The following SLFNL1 variants were observed in gnomAD, a reference collection of about 807,000 sequenced individuals.
SLFNL1 encodes schlafen like 1, also known as schlafen-like protein 1.
In SLFNL1, 26 loss-of-function variants were observed where a neutral mutation model predicts 32.5. The ratio of observed to expected loss-of-function variants is 0.80; its 90% CI spans 0.59 to 1.11. SLFNL1 has a LOEUF of 1.11. Among genes scored for constraint, SLFNL1 ranks in the 50% least tolerant of loss-of-function variants. SLFNL1 has a pLI of 0.00. For missense variants in SLFNL1, 553 were observed against 546.5 expected (o/e 1.01, Z -0.12); for synonymous variants, 255 against 242.2 (o/e 1.05, Z -0.49).
At chr1:41,016,951 G>C (rs1055714626) in intron 5 of SLFNL1, 2 of 292,148 alleles carry the variant, frequency 6.8e-6, no homozygotes, top group Non-Finnish European at 1.3e-5. Flanking sequence ...CTTGTGATCT[G>C]TTCGCCTCAT....
Position 41,016,139 on chromosome 1 carries a change from G to A in SLFNL1, c.1191C>T (p.His397=), listed in dbSNP as rs200527951. ...KEQLQQQLQQ[H]GPVSCTCCVL ...CACAGCAGGTGCAGGACACAGGCCC[G>A]TGCTGCTGCAGCTGCTGCTGGAGCT... The change falls in exon 6 of 6, where the codon CAC becomes CAT. Residue 397 remains histidine, a synonymous_variant. Transcript: ENST00000302946. 39 of 1,614,144 alleles carry A rather than the reference G, an allele frequency of 2.4e-5. No homozygotes were observed. Among genetic ancestry groups the A allele is most frequent in the Admixed American group, 5.0e-5 (3 of 60,022 alleles).
Position 41,017,246 on chromosome 1 carries a change from C to T in SLFNL1, c.1089G>A (p.Glu363=), listed in dbSNP as rs1277059498. ...TCAGCTTCCGTACCTGCCTGCACCA[C>T]TCCTGGATGGCGCTGGCAGACAGCG... ...QGPLSASAIQ[E]WCRQRWLVEL... is the part of the protein sequence containing the mutation. Residue 363 remains glutamate (E), a synonymous_variant, in exon 5 of 6, where the codon GAG becomes GAA. Coordinates refer to ENST00000302946, the MANE Select transcript of SLFNL1 (RefSeq NM_144990.4). The surrounding 1 kb of genome is among the most constrained non-coding windows in gnomAD (Gnocchi z 4.9). 6.3e-7 allele frequency: 1 copy of T among 1,583,592 alleles called. No homozygotes were observed. Among genetic ancestry groups the T allele is most frequent in the South Asian group, 1.1e-5 (1 of 87,616 alleles).
chr1:41,015,788 C>T lies in SLFNL1; in HGVS notation c.*318G>A, dbSNP rs139501600. On this transcript the variant is annotated 3_prime_UTR_variant, in exon 6 of 6. Transcript: ENST00000302946. The stretch of plus-strand genomic sequence containing the variant: ...AGCCAACTGGAGTCACAGACCTCAG[C>T]CTGGGCCAAATGAGCATTTTAGGGA... 1.5e-4 allele frequency: 30 copies of T among 203,506 alleles called. 1 individual carries two copies. In the East Asian group the frequency reaches 2.8e-3, roughly 19 times the overall value. The allele number at this position is 203,506 out of a possible 1,614,324, so 12.6% of individuals were successfully genotyped here.
intron 3 of SLFNL1, among the ~76,000 whole-genome samples, chr1:41,019,030 C>T (rs1379847035): frequency 3.3e-5 from 5 of 151,508 alleles, no homozygotes; most frequent in African/African-American, 7.3e-5. Flanking sequence ...TTAGTAGAGA[C>T]GGGGTTTCAC....
At position 41,017,108 on chromosome 1, in the gene SLFNL1, T is replaced by C; in HGVS notation, c.1101+126A>G. The C allele has an allele frequency of 8.3e-7, 1 of 1,211,866 alleles. No homozygotes were observed. The highest frequency in any genetic ancestry group is 1.1e-6 in the Non-Finnish European group (1 of 896,722). The allele number at this position is 1,211,866 out of a possible 1,614,324, so 75.1% of individuals were successfully genotyped here. On this transcript the variant is annotated intron_variant, in intron 5 of 5. Coordinates refer to ENST00000302946, the MANE Select transcript of SLFNL1 (RefSeq NM_144990.4). This position sits in a 1 kb window ranked among gnomAD's most constrained non-coding sequence, Gnocchi z 4.9. ...GTGGTGTGATTGTATTCCAACCCCT[T>C]GGGTTCAACGGGGTGATGCAGGACC...
chr1:41,018,023 C>A lies in SLFNL1; in HGVS notation c.569G>T (p.Gly190Val), dbSNP rs367665847. The A allele has an allele frequency of 1.2e-6, 2 of 1,600,212 alleles. No individual in the cohort carries two copies. The highest frequency in any genetic ancestry group is 2.2e-5 in the South Asian group (2 of 89,534). ...PQAQQLQSCQ[G>V]RPSGVCSDSA... ...GTCGGAGCACACGCCGCTGGGCCGG[C>A]CCTGGCAGCTCTGCAGCTGCTGGGC... is the stretch of plus-strand genomic sequence containing the variant. The change falls in exon 4 of 6, where the codon GGC becomes GTC. Residue 190 changes from glycine (G) to valine (V), a missense_variant. By Grantham distance (109) the Gly-to-Val change is moderately radical. Coordinates refer to ENST00000302946, the MANE Select transcript of SLFNL1 (RefSeq NM_144990.4).
chr1:41,016,162 G>A lies in SLFNL1; in HGVS notation c.1168C>T (p.Leu390Phe), dbSNP rs140785040. 6.2e-7 allele frequency: 1 copy of A among 1,614,196 alleles called. No individual in the cohort carries two copies. The highest frequency in any genetic ancestry group is 1.1e-5 in the South Asian group (1 of 91,090). Residue 390 changes from leucine to phenylalanine, a missense_variant, in exon 6 of 6, where the codon CTC becomes TTC. Coordinates refer to ENST00000302946, the MANE Select transcript of SLFNL1 (RefSeq NM_144990.4). ...MKALMMEKEQ[L>F]QQQLQQHGPV... is the part of the protein sequence containing the mutation. ...CCGTGCTGCTGCAGCTGCTGCTGGA[G>A]CTGCTCCTTCTCCATCATCAGCGCC...
Position 41,020,342 on chromosome 1 carries a change from A to AGGCC in SLFNL1, c.315_318dup (p.Ser107GlyfsTer31). 1 of 1,613,540 alleles carries AGGCC rather than the reference A, an allele frequency of 6.2e-7. No homozygotes were observed. The highest frequency in any genetic ancestry group is 1.1e-5 in the South Asian group (1 of 91,076). On this transcript the variant is annotated frameshift_variant, in exon 3 of 6. Transcript: ENST00000302946. LOFTEE classifies it high-confidence loss of function. Reference sequence around the variant, plus strand: ...GCCGTCTGCAGGCGCCAGGGGAGGGAGGCCAGGGTGTCCCTGTGGACAGTC... The same window carrying AGGCC: ...GCCGTCTGCAGGCGCCAGGGGAGGGAGGCCGGCCAGGGTGTCCCTGTGGACAGTC...
chr1:41,021,341 G>A (rs1643820089), intron 1 of SLFNL1: 1 of 152,662 alleles, frequency 6.6e-6, no homozygotes, highest in African/African-American at 2.4e-5. Flanking sequence ...CATAACTTAA[G>A]GTGGCTCCTA....
chr1:41,020,458 C>A lies in SLFNL1; in HGVS notation c.203G>T (p.Arg68Leu), dbSNP rs761643113. 20 of 1,613,314 alleles carry A rather than the reference C, an allele frequency of 1.2e-5. No individual in the cohort carries two copies. Among genetic ancestry groups the A allele is most frequent in the Admixed American group, 6.7e-5 (4 of 60,012 alleles). Residue 68 changes from arginine to leucine, a missense_variant, in exon 3 of 6, where the codon CGA becomes CTA. Transcript: ENST00000302946. The part of the protein sequence containing the change: ...FSVPVLACLL[R>L]DTLERLEMPV... ...CATCTCCAGCCGCTCCAGGGTGTCT[C>A]GCAGCAGGCAGGCAAGCACCGGCAC...
In SLFNL1 at chr1:41,018,052, G is replaced by T; in HGVS notation, c.540C>A (p.Pro180=). ...GGCAGCTCTGCAGCTGCTGGGCCTG[G>T]GGCCTATCAGGCAGCGTGTGTGTAG... The part of the protein sequence containing the change: ...TWPTHTLPDR[P]QAQQLQSCQG... The change falls in exon 4 of 6, where the codon CCC becomes CCA. Residue 180 remains proline, a synonymous_variant. Coordinates refer to ENST00000302946, the MANE Select transcript of SLFNL1 (RefSeq NM_144990.4). 6.3e-7 allele frequency: 1 copy of T among 1,589,288 alleles called. No individual in the cohort carries two copies. Among genetic ancestry groups the T allele is most frequent in the East Asian group, 2.3e-5 (1 of 43,524 alleles).
At position 41,017,950 on chromosome 1, in the gene SLFNL1, C is replaced by T; in HGVS notation, c.642G>A (p.Gln214=). Residue 214 remains glutamine, a synonymous_variant, in exon 4 of 6, where the codon CAG becomes CAA. Coordinates refer to ENST00000302946, the MANE Select transcript of SLFNL1 (RefSeq NM_144990.4). This position sits in a 1 kb window ranked among gnomAD's most constrained non-coding sequence, Gnocchi z 4.9. Reference sequence around the variant, plus strand: ...GGGTCTCGCTGCCCAGGAAGGCACCCTGGAAGAGCTGGTCCTTGCCCACGA... The same window carrying T: ...GGGTCTCGCTGCCCAGGAAGGCACCTTGGAAGAGCTGGTCCTTGCCCACGA... ...QQIVGKDQLF[Q]GAFLGSETRN... 6.2e-7 allele frequency: 1 copy of T among 1,611,824 alleles called. No homozygotes were observed. Among genetic ancestry groups the T allele is most frequent in the African/African-American group, 1.3e-5 (1 of 75,052 alleles).
Position 41,017,831 on chromosome 1 carries a change from T to C in SLFNL1, c.761A>G (p.Glu254Gly), listed in dbSNP as rs1341932693. The change falls in exon 4 of 6, where the codon GAG (glutamate) becomes GGG (glycine). Residue 254 changes from glutamate to glycine, a missense_variant. Transcript: ENST00000302946. The surrounding 1 kb of genome is among the most constrained non-coding windows in gnomAD (Gnocchi z 4.9). ...RRYVCAFLNSEGGSLLVGVED... is the reference protein window; with the variant it reads ...RRYVCAFLNSGGGSLLVGVED... ...TACTCCCACGAGCAGGCTGCCGCCCTCGCTGTTGAGGAAGGCGCACACGTA... is the reference window on the plus strand; with the variant it reads ...TACTCCCACGAGCAGGCTGCCGCCCCCGCTGTTGAGGAAGGCGCACACGTA... The C allele has an allele frequency of 6.3e-7, 1 of 1,598,850 alleles. No homozygotes were observed. Among genetic ancestry groups the C allele is most frequent in the East Asian group, 2.2e-5 (1 of 44,472 alleles).
intron 3 of SLFNL1, 129 bp from the exon 4 acceptor site, chr1:41,018,285 C>T: frequency 3.2e-6 from 3 of 951,370 alleles, no homozygotes; most frequent in Non-Finnish European, 4.4e-6. Context: ...TCCTGATGCC[C>T]CTCACCAGGC....
Position 41,020,228 on chromosome 1 carries a change from C to G in SLFNL1, c.433G>C (p.Glu145Gln). The G allele has an allele frequency of 6.3e-7, 1 of 1,585,822 alleles. No homozygotes were observed. Among genetic ancestry groups the G allele is most frequent in the Non-Finnish European group, 8.6e-7 (1 of 1,165,098 alleles). The change falls in exon 3 of 6, where the codon GAG (glutamate) becomes CAG (glutamine). Residue 145 changes from glutamate (E) to glutamine (Q), a missense_variant and splice_region_variant. Transcript: ENST00000302946. ...SEAQGPFSHR[E>Q]EKEEEEEDSG... ...TGCTTGGGAAAAGTCCCACTTACCT[C>G]TCTGTGGCTGAAGGGCCCTTGGGCC...
intron 3 of SLFNL1, among the ~76,000 whole-genome samples, chr1:41,018,841 T>TG (rs1358410411): frequency 1.4e-5 from 2 of 139,870 alleles, no homozygotes; most frequent in African/African-American, 5.3e-5. Flanking sequence ...TTTTTTTTTT[T>TG]TTTTTTTTTT....
In SLFNL1 at chr1:41,016,014, A is replaced by G. The variant is rs1643291804; in HGVS notation, c.*92T>C. 13 of 1,495,686 alleles carry G rather than the reference A, an allele frequency of 8.7e-6. No individual in the cohort carries two copies. The highest frequency in any genetic ancestry group is 1.2e-5 in the Non-Finnish European group (13 of 1,115,254). The allele number at this position is 1,495,686 out of a possible 1,614,324, so 92.7% of individuals were successfully genotyped here. A position where few individuals can be genotyped will look rare whatever the true frequency, so the allele number is the denominator to read the frequency against. Reference sequence around the variant, plus strand: ...CCCTGTCCGCCTCTCAGCAGCCCGCATGGGCTTTACTGGTTGGCCTTACAC... The same window carrying G: ...CCCTGTCCGCCTCTCAGCAGCCCGCGTGGGCTTTACTGGTTGGCCTTACAC... On this transcript the variant is annotated 3_prime_UTR_variant, in exon 6 of 6. Transcript: ENST00000302946.
chr1:41,020,080 T>C, intron 3 of SLFNL1, 146 bp downstream of exon 3: 1 of 800,662 alleles, frequency 1.2e-6, no homozygotes, highest in Non-Finnish European at 2.0e-6. Flanking sequence ...CAAGCCATGG[T>C]CATTTGAGTG....
rs1464683578 is a variant in SLFNL1 at position 41,015,646 on chromosome 1, C to T, written c.*460G>A. On this transcript the variant is annotated 3_prime_UTR_variant, in exon 6 of 6. Coordinates refer to ENST00000302946, the MANE Select transcript of SLFNL1 (RefSeq NM_144990.4). ...GAGCTTTGACAGTCACAAGTTCCAGCAAGTCAGGGGTGGGGGCTGCAGGGT... is the reference window on the plus strand; with the variant it reads ...GAGCTTTGACAGTCACAAGTTCCAGTAAGTCAGGGGTGGGGGCTGCAGGGT... 1 of 153,090 alleles carries T rather than the reference C, an allele frequency of 6.5e-6. No homozygotes were observed. The highest frequency in any genetic ancestry group is 6.5e-5 in the Admixed American group (1 of 15,290). 9.5% of individuals were successfully genotyped at this position (153,090 alleles called of 1,614,324 possible).
Sources: allele counts gnomAD v4.1 joint callset (sites outside exome capture counted in the v4.1 genomes callset), GRCh38; gene constraint gnomAD v4.1.1; non-coding constraint Gnocchi (gnomAD v3.1); transcripts MANE v1.5; gene names NCBI Gene and HGNC (gene_info 2026-07-23, HGNC 2026-07-21).